CHCHD6: variants seen among roughly 807,000 people sequenced by gnomAD.
CHCHD6 encodes the protein MICOS complex subunit MIC25.
In CHCHD6, 28 loss-of-function variants were observed where a neutral mutation model predicts 32.3. The observed-to-expected ratio is 0.87, with a 90% confidence interval of 0.64 to 1.19. The LOEUF (loss-of-function observed/expected upper bound fraction) is 1.19, where lower values mean the gene tolerates loss of function less well. Among genes scored for constraint, CHCHD6 ranks in the 50% most tolerant of loss-of-function variants. CHCHD6 has a pLI of 0.00. For synonymous variants in CHCHD6, 122 were observed against 117.5 expected, an observed-to-expected ratio of 1.04 and a Z score of -0.25; for missense variants, 333 against 307.0, an observed-to-expected ratio of 1.08 and a Z score of -0.63.
intron 5 of CHCHD6, among the ~76,000 whole-genome samples, chr3:126,901,835 G>A (rs1354490846): frequency 2.0e-5 from 3 of 152,214 alleles, no homozygotes; most frequent in African/African-American, 4.8e-5. Context: ...ACGAGTGAAA[G>A]TGGTACCAGT....
chr3:126,953,610 C>T (rs749119436), intron 6 of CHCHD6, among the ~76,000 whole-genome samples: 2 of 152,194 alleles, frequency 1.3e-5, no homozygotes, highest in Non-Finnish European at 1.5e-5. Context: ...ATGGGGCAAG[C>T]GGTGTTACTG....
intron 4 of CHCHD6, among the ~76,000 whole-genome samples, chr3:126,801,809 A>T (rs1260031783): frequency 1.3e-5 from 2 of 151,964 alleles, no homozygotes; most frequent in Non-Finnish European, 2.9e-5. Context: ...CTGTGAGGCA[A>T]CCCCCAGTAG....
chr3:126,863,336 C>T (rs1426363068), intron 5 of CHCHD6, among the ~76,000 whole-genome samples: 3 of 125,752 alleles, frequency 2.4e-5, no homozygotes, highest in Non-Finnish European at 3.3e-5. Flanking sequence ...TCCTCCTCCT[C>T]CATCACCTCC....
At chr3:126,810,953 G>A (rs979980523) in intron 4 of CHCHD6, among the ~76,000 whole-genome samples, 4 of 152,164 alleles carry the variant, frequency 2.6e-5, no homozygotes, top group Non-Finnish European at 4.4e-5. Context: ...CTGTAGGCGG[G>A]ACCACCAGGT....
intron 1 of CHCHD6, among the ~76,000 whole-genome samples, chr3:126,706,899 T>C (rs1934512546): frequency 6.6e-6 from 1 of 152,132 alleles, no homozygotes; most frequent in Admixed American, 6.5e-5. Context: ...TTAGAGCAAG[T>C]TGAATATTCT....
At chr3:126,876,220 C>A (rs1405950867) in intron 5 of CHCHD6, among the ~76,000 whole-genome samples, 1 of 152,238 alleles carries the variant, frequency 6.6e-6, no homozygotes, top group Non-Finnish European at 1.5e-5. Flanking sequence ...GCTTTCTAAT[C>A]ACATATTCAG....
intron 1 of CHCHD6, among the ~76,000 whole-genome samples, chr3:126,724,776 C>G (rs956669292): frequency 2.0e-5 from 3 of 152,236 alleles, no homozygotes. Context: ...CCTTTGTTGT[C>G]ATTTCAGCAG....
chr3:126,802,562 T>C (rs113603040), intron 4 of CHCHD6, among the ~76,000 whole-genome samples: 3 of 152,148 alleles, frequency 2.0e-5, no homozygotes, highest in African/African-American at 7.2e-5. Flanking sequence ...TATGGGACTA[T>C]GTGAAAAGAC....
chr3:126,767,306 G>A (rs545706982), intron 4 of CHCHD6: 10 of 1,090,234 alleles, frequency 9.2e-6, no homozygotes, highest in Admixed American at 5.1e-5. Flanking sequence ...CTCCCCAAAC[G>A]CAAACACGGA....
chr3:126,775,855 A>G (rs1208211069), intron 4 of CHCHD6, among the ~76,000 whole-genome samples: 1 of 152,210 alleles, frequency 6.6e-6, no homozygotes, highest in Non-Finnish European at 1.5e-5. Flanking sequence ...TGCTGGGGTC[A>G]TGTTCCTCAG....
At chr3:126,799,192 A>T (rs1938944251) in intron 4 of CHCHD6, among the ~76,000 whole-genome samples, 1 of 152,144 alleles carries the variant, frequency 6.6e-6, no homozygotes, top group Non-Finnish European at 1.5e-5. Context: ...CTTGGTGGGG[A>T]CTGAAAAATA....
At chr3:126,862,279 A>T (rs1430448452) in intron 5 of CHCHD6, among the ~76,000 whole-genome samples, 1 of 105,402 alleles carries the variant, frequency 9.5e-6, no homozygotes, top group Admixed American at 9.3e-5. Flanking sequence ...CTCCTCCTCT[A>T]CCATCACCAC....
At chr3:126,791,580 C>T (rs1324757707) in intron 4 of CHCHD6, among the ~76,000 whole-genome samples, 1 of 152,264 alleles carries the variant, frequency 6.6e-6, no homozygotes, top group Non-Finnish European at 1.5e-5. Context: ...AACTGCTGTG[C>T]TAACAATGAG....
chr3:126,731,400 T>C (rs986142790), intron 3 of CHCHD6, among the ~76,000 whole-genome samples: 4 of 152,176 alleles, frequency 2.6e-5, no homozygotes, highest in Non-Finnish European at 5.9e-5. Context: ...GAGCACAGGG[T>C]GGCATCTTGA....
intron 5 of CHCHD6, among the ~76,000 whole-genome samples, chr3:126,876,317 A>C (rs1196756986): frequency 6.6e-6 from 1 of 152,258 alleles, no homozygotes; most frequent in African/African-American, 2.4e-5. Context: ...GAAGCACAGC[A>C]AGGCATTGGG....
chr3:126,953,120 T>C, intron 6 of CHCHD6: 1 of 985,182 alleles, frequency 1.0e-6, no homozygotes, highest in Non-Finnish European at 1.2e-6. Context: ...TGGGGTGGGG[T>C]CCTCCCCCAT....
chr3:126,807,698 TATACCAGG>T (rs1170871568), intron 4 of CHCHD6, among the ~76,000 whole-genome samples: 1 of 152,200 alleles, frequency 6.6e-6, no homozygotes, highest in Non-Finnish European at 1.5e-5. Context: ...AAAATAGACC[TATACCAGG>T]ATACATCATG....
chr3:126,934,447 G>A lies in CHCHD6; in HGVS notation c.566+19697G>A, dbSNP rs376766184. On this transcript the variant is annotated intron_variant, in intron 6 of 7. Coordinates refer to ENST00000290913, the MANE Select transcript of CHCHD6 (RefSeq NM_032343.3). ...CTGACAGACAGTGCTGCAGTGTTCC[G>A]GGCACTGTGTCACTGTCATGAAGCA... 3.3e-5 allele frequency among the ~76,000 whole-genome samples: 5 copies of A among 151,680 alleles called. No individual in the cohort carries two copies. In the South Asian group the frequency reaches 6.3e-4, roughly 19 times the overall value.
chr3:126,776,961 C>T (rs1202626545), intron 4 of CHCHD6, among the ~76,000 whole-genome samples: 1 of 152,120 alleles, frequency 6.6e-6, no homozygotes, highest in Non-Finnish European at 1.5e-5. Context: ...GACCTGGCCT[C>T]TAGTTTCAGG....
Sources: allele counts gnomAD v4.1 joint callset (sites outside exome capture counted in the v4.1 genomes callset), GRCh38; gene constraint gnomAD v4.1.1; transcripts MANE v1.5; gene names NCBI Gene and HGNC (gene_info 2026-07-23, HGNC 2026-07-21).